The following KIAA1671 variants were observed in gnomAD, a reference collection of about 807,000 sequenced individuals.
The protein encoded by KIAA1671 is KIAA1671, also known as uncharacterized protein KIAA1671.
A neutral mutation model predicts 131.2 loss-of-function variants in KIAA1671; 52 were observed. The ratio of observed to expected loss-of-function variants is 0.40; its 90% CI spans 0.32 to 0.50. The LOEUF (loss-of-function observed/expected upper bound fraction) is 0.50. Among genes scored for constraint, KIAA1671 ranks in the 20% least tolerant of loss-of-function variants. The pLI, the probability that KIAA1671 is intolerant of heterozygous loss-of-function variation, is 0.73. For synonymous variants in KIAA1671, 1,003 were observed against 961.6 expected, an observed-to-expected ratio of 1.04 and a Z score of -0.80; for missense variants, 2,360 against 2,364.2, an observed-to-expected ratio of 1.00 and a Z score of 0.04.
At chr22:25,088,133 A>C (rs1438266091) in intron 6 of KIAA1671, among the ~76,000 whole-genome samples, 1 of 148,278 alleles carries the variant, frequency 6.7e-6, no homozygotes. Flanking sequence ...TTTGAGACAG[A>C]GTCTCACCCC....
chr22:25,175,135 C>G (rs1933977748), intron 8 of KIAA1671: 2 of 152,264 alleles, frequency 1.3e-5, no homozygotes, highest in Non-Finnish European at 2.9e-5. Context: ...TCTTCCAGAC[C>G]AGAACTTATC....
intron 6 of KIAA1671, among the ~76,000 whole-genome samples, chr22:25,155,297 G>T (rs1411609713): frequency 1.3e-5 from 2 of 152,180 alleles, no homozygotes; most frequent in African/African-American, 4.8e-5. Context: ...AGGGCAGTTG[G>T]GTTGTGTGTT....
intron 6 of KIAA1671, among the ~76,000 whole-genome samples, chr22:25,135,760 T>C (rs773859204): frequency 2.6e-5 from 4 of 152,222 alleles, no homozygotes; most frequent in Non-Finnish European, 5.9e-5. Flanking sequence ...CCTCTTGGGC[T>C]GTCCTCTTTG....
intron 6 of KIAA1671, among the ~76,000 whole-genome samples, chr22:25,145,427 C>G (rs140280248): frequency 6.6e-6 from 1 of 152,270 alleles, no homozygotes; most frequent in Non-Finnish European, 1.5e-5. Flanking sequence ...ACAGCATGGC[C>G]CTGTCTGATT....
intron 6 of KIAA1671, among the ~76,000 whole-genome samples, chr22:25,144,177 T>C (rs1449658409): frequency 6.6e-6 from 1 of 152,204 alleles, no homozygotes; most frequent in African/African-American, 2.4e-5. Context: ...TTAACTGGTA[T>C]TTTCTAGTTT....
chr22:25,018,307 C>G (rs1267902616), intron 1 of KIAA1671, among the ~76,000 whole-genome samples: 1 of 143,666 alleles, frequency 7.0e-6, no homozygotes, highest in African/African-American at 2.5e-5. Flanking sequence ...AGGGCATGGG[C>G]CCCCCGACGT....
At chr22:24,985,222 T>C (rs958964001) in intron 1 of KIAA1671, among the ~76,000 whole-genome samples, 3 of 152,124 alleles carry the variant, frequency 2.0e-5, no homozygotes, top group Admixed American at 6.5e-5. Flanking sequence ...AAAACGTAAA[T>C]TAGGTGCTGT....
At chr22:25,086,020 T>C (rs1929700591) in intron 6 of KIAA1671, among the ~76,000 whole-genome samples, 1 of 152,152 alleles carries the variant, frequency 6.6e-6, no homozygotes, top group South Asian at 2.1e-4. Context: ...CATCAATGAA[T>C]GTTATGCTGA....
chr22:25,128,244 C>T (rs1374077007), intron 6 of KIAA1671, among the ~76,000 whole-genome samples: 3 of 152,112 alleles, frequency 2.0e-5, no homozygotes, highest in Non-Finnish European at 4.4e-5. Flanking sequence ...GAGATGGTTA[C>T]GTGGACACCG....
intron 6 of KIAA1671, among the ~76,000 whole-genome samples, chr22:25,157,620 CAT>C: frequency 2.0e-5 from 3 of 152,214 alleles, no homozygotes; most frequent in Admixed American, 2.0e-4. Flanking sequence ...TTAAAAAGAA[CAT>C]CAAATTTGTC....
chr22:25,120,926 C>A (rs898471803), intron 6 of KIAA1671, among the ~76,000 whole-genome samples: 6 of 152,176 alleles, frequency 3.9e-5, no homozygotes, highest in African/African-American at 7.2e-5. Flanking sequence ...TGCATGTGTA[C>A]TTCTTCATCT....
intron 12 of KIAA1671, among the ~76,000 whole-genome samples, chr22:25,191,234 C>T (rs920603318): frequency 6.7e-6 from 1 of 148,994 alleles, no homozygotes; most frequent in African/African-American, 2.5e-5. Flanking sequence ...TGGCTCATTG[C>T]GGCCTCTGCC....
At chr22:25,175,660 T>C (rs1287919162) in intron 8 of KIAA1671, 1 of 152,236 alleles carries the variant, frequency 6.6e-6, no homozygotes, top group Non-Finnish European at 1.5e-5. Context: ...TCATGAACTT[T>C]CCTGCTAGAA....
intron 1 of KIAA1671, among the ~76,000 whole-genome samples, chr22:24,985,254 A>G (rs1005711642): frequency 6.6e-6 from 1 of 152,204 alleles, no homozygotes; most frequent in Non-Finnish European, 1.5e-5. Flanking sequence ...TGAGGATGCT[A>G]ATATCCTCCT....
intron 3 of KIAA1671, among the ~76,000 whole-genome samples, chr22:25,030,114 A>G (rs1354868664): frequency 2.6e-5 from 4 of 152,290 alleles, no homozygotes; most frequent in African/African-American, 9.6e-5. Context: ...TAATAATGAT[A>G]CTCTAAGTCA....
Position 25,196,219 on chromosome 22 carries a change from T to G in KIAA1671, c.*3818T>G, listed in dbSNP as rs1934822091. 6.6e-6 allele frequency: 1 copy of G among 152,188 alleles called. No homozygotes were observed. Among genetic ancestry groups the G allele is most frequent in the Non-Finnish European group, 1.5e-5 (1 of 68,058 alleles). The allele number at this position is 152,188 out of a possible 1,614,324, so 9.4% of individuals were successfully genotyped here. A position where few individuals can be genotyped will look rare whatever the true frequency, so the allele number is the denominator to read the frequency against. On this transcript the variant is annotated 3_prime_UTR_variant, in exon 13 of 13. Transcript: ENST00000358431. ...GGGCAGAAAGCTAGGCCCTCTGCTC[T>G]GGAAAGTCGGCCTGAGGTTTCCGGC...
At chr22:24,971,407 A>G (rs1015794909) in intron 1 of KIAA1671, among the ~76,000 whole-genome samples, 1 of 152,164 alleles carries the variant, frequency 6.6e-6, no homozygotes, top group Admixed American at 6.5e-5. Flanking sequence ...AATATCCACA[A>G]ATTTGGGCAT....
chr22:25,075,401 C>T (rs1384660169), intron 6 of KIAA1671, among the ~76,000 whole-genome samples: 1 of 152,072 alleles, frequency 6.6e-6, no homozygotes, highest in African/African-American at 2.4e-5. Flanking sequence ...TTTTTTGGTT[C>T]CAGGATCTAG....
chr22:25,104,504 T>A (rs1051835135), intron 6 of KIAA1671, among the ~76,000 whole-genome samples: 1 of 152,202 alleles, frequency 6.6e-6, no homozygotes, highest in Admixed American at 6.5e-5. Context: ...AGACTGAACG[T>A]GCCCCGACTT....
Sources: gnomAD v4.1 joint callset for allele counts (sites outside exome capture counted in the v4.1 genomes callset) on GRCh38, gnomAD v4.1.1 for gene constraint, MANE v1.5 for transcripts, NCBI Gene and HGNC (gene_info 2026-07-23, HGNC 2026-07-21) for gene names.